Variants in CAPN3 observed in about 807,000 individuals in gnomAD.
CAPN3 encodes the protein calpain-3.
In CAPN3, 88 loss-of-function variants were observed where a neutral mutation model predicts 114.0. The ratio of observed to expected loss-of-function variants is 0.77; its 90% CI spans 0.65 to 0.92. The LOEUF (loss-of-function observed/expected upper bound fraction) is 0.92, where lower values mean the gene tolerates loss of function less well. Among genes scored for constraint, CAPN3 ranks in the 40% least tolerant of loss-of-function variants. CAPN3 has a pLI of 0.00. For synonymous variants in CAPN3, 386 were observed against 382.9 expected, an observed-to-expected ratio of 1.01 and a Z score of -0.09; for missense variants, 1,028 against 1,069.0, an observed-to-expected ratio of 0.96 and a Z score of 0.53.
intron 1 of CAPN3, among the ~76,000 whole-genome samples, chr15:42,377,770 G>A (rs902836590): frequency 5.3e-5 from 8 of 152,170 alleles, no homozygotes; most frequent in Non-Finnish European, 1.2e-4. Context: ...ATATTTGGTA[G>A]AATTCATTAG....
intron 1 of CAPN3, among the ~76,000 whole-genome samples, chr15:42,367,736 A>C (rs2052825091): frequency 6.6e-6 from 1 of 152,214 alleles, no homozygotes; most frequent in South Asian, 2.1e-4. Flanking sequence ...TTCCAGGTGC[A>C]AATGTAATAT....
In CAPN3 at chr15:42,405,944, G is replaced by A. The variant is rs1320406417; in HGVS notation, c.1800+1G>A. ...TATGCAGAAAAAGAAAAAAACCAAGGTAGGTGTGTGGGTAGAGAGCATGAA... is the reference window on the plus strand; with the variant it reads ...TATGCAGAAAAAGAAAAAAACCAAGATAGGTGTGTGGGTAGAGAGCATGAA... On this transcript the variant is annotated splice_donor_variant, in intron 15 of 23. Coordinates refer to ENST00000397163, the MANE Select transcript of CAPN3 (RefSeq NM_000070.3). LOFTEE classifies it high-confidence loss of function. The A allele has an allele frequency of 1.2e-6, 2 of 1,611,818 alleles. No individual in the cohort carries two copies. The highest frequency in any genetic ancestry group is 1.7e-5 in the Admixed American group (1 of 59,992).
chr15:42,410,019 C>G (rs376605287), intron 19 of CAPN3, 24 bp downstream of exon 19: 9 of 1,609,242 alleles, frequency 5.6e-6, no homozygotes, highest in Middle Eastern at 2.3e-4. Flanking sequence ...CGCCCCTTCC[C>G]GACCCTCTGT....
rs774244796 is a variant in CAPN3, at chr15:42,412,205, TG to T, written c.*436del. The T allele has an allele frequency of 1.9e-5, 29 of 1,535,220 alleles. No homozygotes were observed. The South Asian group carries it at 3.3e-4, about 18-fold the overall frequency. ...AAACCAGCACTGGGTTCTACTGCTGTGGGGTAAACTAACTCAGTGGAATAGG... is the reference window on the plus strand; with the variant it reads ...AAACCAGCACTGGGTTCTACTGCTGTGGGTAAACTAACTCAGTGGAATAGG... On this transcript the variant is annotated 3_prime_UTR_variant, in exon 24 of 24. Coordinates refer to ENST00000397163, the MANE Select transcript of CAPN3 (RefSeq NM_000070.3).
chr15:42,404,897 G>A (rs996127371), intron 14 of CAPN3: 2 of 1,034,932 alleles, frequency 1.9e-6, no homozygotes, highest in African/African-American at 1.7e-5. Context: ...GCTGGTCATC[G>A]GTGTGCAGTA....
intron 1 of CAPN3, among the ~76,000 whole-genome samples, chr15:42,382,654 C>G (rs1044179279): frequency 3.9e-5 from 6 of 152,144 alleles, no homozygotes; most frequent in Non-Finnish European, 8.8e-5. Flanking sequence ...CAGGTGTAGG[C>G]CACCACACCT....
At chr15:42,409,718 T>G (rs1383358339) in intron 17 of CAPN3, 69 bp from the exon 18 acceptor site, 17 of 1,384,846 alleles carry the variant, frequency 1.2e-5, no homozygotes, top group Non-Finnish European at 1.6e-5. Flanking sequence ...TGGAATTTGT[T>G]TTGCAAAGTG....
At chr15:42,404,366 C>CAA (rs922176971) in intron 14 of CAPN3, 17 of 456,408 alleles carry the variant, frequency 3.7e-5, no homozygotes, top group African/African-American at 2.2e-4. Flanking sequence ...TTACACCTTA[C>CAA]AAGGTACTTT....
intron 13 of CAPN3, 106 bp from the exon 14 acceptor site, chr15:42,403,635 G>A: frequency 9.7e-7 from 1 of 1,026,872 alleles, no homozygotes; most frequent in Admixed American, 1.7e-5. Context: ...TCTAGAGGCT[G>A]GTTCTGGCTT....
chr15:42,380,555 G>A (rs1436497080), intron 1 of CAPN3, among the ~76,000 whole-genome samples: 1 of 146,460 alleles, frequency 6.8e-6, no homozygotes, highest in Admixed American at 6.8e-5. Context: ...TAATATGTTT[G>A]TATGTGTGTG....
intron 2 of CAPN3, chr15:42,385,540 AGAG>A (rs2141158378): frequency 7.9e-6 from 3 of 381,418 alleles, no homozygotes; most frequent in South Asian, 2.0e-5. Flanking sequence ...ACAGAGAGAG[AGAG>A]AGAGAGAGAG....
In CAPN3 at chr15:42,378,691, G is replaced by A. The variant is rs565759905; in HGVS notation, c.310-5792G>A. Among the ~76,000 whole-genome samples the A allele has an allele frequency of 4.7e-4, 71 of 151,542 alleles. No homozygotes were observed. In the South Asian group the frequency reaches 0.014, roughly 31 times the overall value. On this transcript the variant is annotated intron_variant, in intron 1 of 23. Transcript: ENST00000397163. The stretch of plus-strand genomic sequence containing the variant: ...GTTTCTTTTCTTCTGCTTGCTTTAG[G>A]CTTAAGTATCTCTTCTATAGTGTAC...
chr15:42,402,690 A>C, intron 12 of CAPN3, 104 bp from the exon 13 acceptor site: 1 of 1,569,986 alleles, frequency 6.4e-7, no homozygotes, highest in Non-Finnish European at 8.7e-7. Context: ...AAACTGTGAC[A>C]TGGGTGACCA....
At chr15:42,401,411 G>A (rs1446645070) in intron 10 of CAPN3, among the ~76,000 whole-genome samples, 1 of 145,724 alleles carries the variant, frequency 6.9e-6, no homozygotes, top group African/African-American at 2.5e-5. Context: ...GAGAATGAAA[G>A]CCCAGAGAGG....
At position 42,403,778 on chromosome 15, in the gene CAPN3, G is replaced by A; in HGVS notation, c.1782+1G>A. 6.2e-7 allele frequency: 1 copy of A among 1,613,960 alleles called. No individual in the cohort carries two copies. Among genetic ancestry groups the A allele is most frequent in the Non-Finnish European group, 8.5e-7 (1 of 1,179,846 alleles). Reference sequence around the variant, plus strand: ...TACCATCTCCGTGGATCGGCCAGTGGTGAGTGGTTTAGATCTTCTGTGCGA... The same window carrying A: ...TACCATCTCCGTGGATCGGCCAGTGATGAGTGGTTTAGATCTTCTGTGCGA... On this transcript the variant is annotated splice_donor_variant, in intron 14 of 23. Transcript: ENST00000397163. LOFTEE classifies it high-confidence loss of function.
chr15:42,368,619 C>A (rs2052849809), intron 1 of CAPN3, among the ~76,000 whole-genome samples: 1 of 152,188 alleles, frequency 6.6e-6, no homozygotes. Context: ...CTCTGTAGTT[C>A]CCCTAGGAGC....
rs28364486 is a variant in CAPN3, at chr15:42,401,891, C to T, written c.1524+81C>T. The T allele has an allele frequency of 0.013, 19,527 of 1,489,182 alleles. 166 individuals are homozygous for T. Among genetic ancestry groups the T allele is most frequent in the Non-Finnish European group, 0.014 (15,636 of 1,087,684 alleles). 92.2% of individuals were successfully genotyped at this position (1,489,182 alleles called of 1,614,324 possible). ...TTCCAGGGGCTTCTAGAGGGGCCCT[C>T]TGGCTTCCTCAATACCCAGTGACCC... On this transcript the variant is annotated intron_variant, in intron 11 of 23. Transcript: ENST00000397163.
At position 42,402,497 on chromosome 15, in the gene CAPN3, C is replaced by G. The variant is rs981095153; in HGVS notation, c.1537-297C>G. ...TTCCCTCAGAACCCAGCCAAGTCCT[C>G]TAGGCCTCCTTGGGGGTCCTTCCAG... On this transcript the variant is annotated intron_variant, in intron 12 of 23. Transcript: ENST00000397163. The G allele has an allele frequency of 2.8e-6, 4 of 1,431,886 alleles. No individual in the cohort carries two copies. In the African/African-American group the frequency reaches 5.7e-5, roughly 20 times the overall value. 88.7% of individuals were successfully genotyped at this position (1,431,886 alleles called of 1,614,324 possible).
At chr15:42,389,525 C>G (rs1439391936) in intron 5 of CAPN3, among the ~76,000 whole-genome samples, 1 of 152,212 alleles carries the variant, frequency 6.6e-6, no homozygotes, top group Non-Finnish European at 1.5e-5. Context: ...CTGGGAGAAG[C>G]TAAGCCTGCA....
Sources: allele counts gnomAD v4.1 joint callset (sites outside exome capture counted in the v4.1 genomes callset), GRCh38; gene constraint gnomAD v4.1.1; transcripts MANE v1.5; gene names NCBI Gene and HGNC (gene_info 2026-07-23, HGNC 2026-07-21).